Variants in GDF11 observed in about 807,000 individuals in gnomAD.
GDF11 encodes the protein growth differentiation factor 11.
Under a neutral mutation model 34.4 loss-of-function variants are expected in GDF11, and 12 were observed. The observed-to-expected ratio is 0.35, with a 90% CI of 0.22 to 0.57. GDF11 has a LOEUF of 0.57. Among genes scored for constraint, GDF11 ranks in the 20% least tolerant of loss-of-function variants. GDF11 has a pLI of 0.86. For synonymous variants in GDF11, 212 were observed against 231.1 expected (o/e 0.92, Z 0.75); for missense variants, 346 against 548.2 (o/e 0.63, Z 3.68).
intron 1 of GDF11, among the ~76,000 whole-genome samples, chr12:55,744,341 C>A (rs1279274576): frequency 6.6e-6 from 1 of 152,216 alleles, no homozygotes; most frequent in Non-Finnish European, 1.5e-5. Flanking sequence ...GACCGGGTAT[C>A]CCAAGGGGTC....
chr12:55,750,170 G>T lies in GDF11; in HGVS notation c.*288G>T. On this transcript the variant is annotated 3_prime_UTR_variant, in exon 3 of 3. Transcript: ENST00000257868. ...TGTAGAGACAGTGATAGAGACAGAG[G>T]AACAAAAAGAGCAGCAGTGAGAAGG... The T allele has an allele frequency of 2.8e-6, 1 of 359,462 alleles. No homozygotes were observed. Among genetic ancestry groups the T allele is most frequent in the Non-Finnish European group, 5.1e-6 (1 of 198,002 alleles). 22.3% of individuals were successfully genotyped at this position (359,462 alleles called of 1,614,324 possible).
In GDF11 at chr12:55,751,429, T is replaced by A. The variant is rs1565666708; in HGVS notation, c.*1547T>A. 1 of 151,974 alleles carries A rather than the reference T, an allele frequency of 6.6e-6. No individual in the cohort carries two copies. Among genetic ancestry groups the A allele is most frequent in the East Asian group, 1.9e-4 (1 of 5,188 alleles). The allele number at this position is 151,974 out of a possible 1,614,324, so 9.4% of individuals were successfully genotyped here. A position where few individuals can be genotyped will look rare whatever the true frequency, so the allele number is the denominator to read the frequency against. On this transcript the variant is annotated 3_prime_UTR_variant, in exon 3 of 3. Transcript: ENST00000257868. ...CATTCTCCTCTGGACTCACTGTGCC[T>A]CAGTTTCTTCCCCTCAATGGAATGA...
Position 55,743,664 on chromosome 12 carries a change from A to G in GDF11, c.348A>G (p.Leu116=). The change falls in exon 1 of 3, where the codon CTA becomes CTG. Residue 116 remains leucine (L), a synonymous_variant. Coordinates refer to ENST00000257868, the MANE Select transcript of GDF11 (RefSeq NM_005811.5). ...KAPPLQQILD[L]HDFQGDALQP... ...CGCCGCTGCAGCAGATCCTGGACCT[A>G]CACGACTTCCAGGGCGACGCGCTGC... is the stretch of plus-strand genomic sequence containing the variant. 1.9e-6 allele frequency: 3 copies of G among 1,603,968 alleles called. No individual in the cohort carries two copies. Among genetic ancestry groups the G allele is most frequent in the Non-Finnish European group, 1.7e-6 (2 of 1,179,702 alleles).
rs766942972 is a variant in GDF11, at chr12:55,749,606, T to C, written c.948T>C (p.Tyr316=). 3 of 1,613,952 alleles carry C rather than the reference T, an allele frequency of 1.9e-6. No individual in the cohort carries two copies. The African/African-American group carries it at 4.0e-5, about 22-fold the overall frequency. Residue 316 remains tyrosine (Y), a synonymous_variant, in exon 3 of 3, where the codon TAT becomes TAC. Transcript: ENST00000257868. This position sits in a 1 kb window ranked among gnomAD's most constrained non-coding sequence, Gnocchi z 5.6. ...EHSSESRCCR[Y]PLTVDFEAFG... is the part of the protein sequence containing the mutation. The stretch of plus-strand genomic sequence containing the variant: ...CAAGCGAGTCCCGCTGCTGCCGATA[T>C]CCCCTCACAGTGGACTTTGAGGCTT...
chr12:55,748,568 GC>G lies in GDF11; in HGVS notation c.446-15del, dbSNP rs764956109. 3 of 1,588,190 alleles carry G rather than the reference GC, an allele frequency of 1.9e-6. No individual in the cohort carries two copies. The highest frequency in any genetic ancestry group is 2.6e-6 in the Non-Finnish European group (3 of 1,164,530). ...CACAAACACCCTTTGCTGATGCTGT[GC>G]CCTTCTCTCTTATCAGCGGACCCAG... On this transcript the variant is annotated splice_polypyrimidine_tract_variant and intron_variant, in intron 1 of 2. Coordinates refer to ENST00000257868, the MANE Select transcript of GDF11 (RefSeq NM_005811.5). This position sits in a 1 kb window ranked among gnomAD's most constrained non-coding sequence, Gnocchi z 5.6.
rs770259301 is a variant in GDF11 at position 55,753,585 on chromosome 12, C to T, written c.*3703C>T. ...CGGAGTTCGAGACCATGCTGGCCAA[C>T]ATTGTGAAACCTCATCTCTACTAAA... On this transcript the variant is annotated 3_prime_UTR_variant, in exon 3 of 3. Transcript: ENST00000257868. The T allele has an allele frequency of 1.3e-5, 2 of 152,000 alleles. No homozygotes were observed. The highest frequency in any genetic ancestry group is 4.8e-5 in the African/African-American group (2 of 41,342). 9.4% of individuals were successfully genotyped at this position (152,000 alleles called of 1,614,324 possible).
chr12:55,749,427 C>T lies in GDF11; in HGVS notation c.844-75C>T. The T allele has an allele frequency of 6.9e-7, 1 of 1,446,614 alleles. No individual in the cohort carries two copies. The highest frequency in any genetic ancestry group is 9.3e-7 in the Non-Finnish European group (1 of 1,070,830). 89.6% of individuals were successfully genotyped at this position (1,446,614 alleles called of 1,614,324 possible). A position where few individuals can be genotyped will look rare whatever the true frequency, so the allele number is the denominator to read the frequency against. On this transcript the variant is annotated intron_variant, in intron 2 of 2. Coordinates refer to ENST00000257868, the MANE Select transcript of GDF11 (RefSeq NM_005811.5). The surrounding 1 kb of genome is among the most constrained non-coding windows in gnomAD (Gnocchi z 5.6). Reference sequence around the variant, plus strand: ...GCAGTCTCTATTCTGATGCCCCTGGCAGGTGGGAAAGGAACAGGGAAGAGG... The same window carrying T: ...GCAGTCTCTATTCTGATGCCCCTGGTAGGTGGGAAAGGAACAGGGAAGAGG...
Position 55,749,886 on chromosome 12 carries a change from G to A in GDF11, c.*4G>A. ...GGATCGCTGTGGCTGCTCTTAAGGT[G>A]GGGGATAGAGGATGCCTCCCCCACA... On this transcript the variant is annotated 3_prime_UTR_variant, in exon 3 of 3. Transcript: ENST00000257868. The surrounding 1 kb of genome is among the most constrained non-coding windows in gnomAD (Gnocchi z 5.6). 6.2e-7 allele frequency: 1 copy of A among 1,606,162 alleles called. No homozygotes were observed. The highest frequency in any genetic ancestry group is 8.5e-7 in the Non-Finnish European group (1 of 1,174,626).
rs965109672 is a variant in GDF11, at chr12:55,753,286, C to T, written c.*3404C>T. ...AGTCCCTGTTCCTAGGTTTCCTCAA[C>T]GAAGTTTGACAAAAATCTAAACCAA... On this transcript the variant is annotated 3_prime_UTR_variant, in exon 3 of 3. Transcript: ENST00000257868. 7.2e-5 allele frequency: 11 copies of T among 152,176 alleles called. No individual in the cohort carries two copies. Among genetic ancestry groups the T allele is most frequent in the African/African-American group, 2.4e-4 (10 of 41,428 alleles). The allele number at this position is 152,176 out of a possible 1,614,324, so 9.4% of individuals were successfully genotyped here.
Position 55,754,747 on chromosome 12 carries a change from G to A in GDF11, c.*4865G>A, listed in dbSNP as rs977882270. ...ATTGTAGTGTGAATACATGATATGA[G>A]AATATCACTTAATTCACACAGCAAC... On this transcript the variant is annotated 3_prime_UTR_variant, in exon 3 of 3. Transcript: ENST00000257868. 11 of 152,168 alleles carry A rather than the reference G, an allele frequency of 7.2e-5. No individual in the cohort carries two copies. Among genetic ancestry groups the A allele is most frequent in the African/African-American group, 2.7e-4 (11 of 41,444 alleles). The allele number at this position is 152,168 out of a possible 1,614,324, so 9.4% of individuals were successfully genotyped here.
Position 55,748,314 on chromosome 12 carries a change from A to C in GDF11, c.446-272A>C, listed in dbSNP as rs755483274. Among the ~76,000 whole-genome samples, 1 of 152,224 alleles carries C rather than the reference A, an allele frequency of 6.6e-6. No homozygotes were observed. Among genetic ancestry groups the C allele is most frequent in the Non-Finnish European group, 1.5e-5 (1 of 68,042 alleles). On this transcript the variant is annotated intron_variant, in intron 1 of 2. Coordinates refer to ENST00000257868, the MANE Select transcript of GDF11 (RefSeq NM_005811.5). The surrounding 1 kb of genome is among the most constrained non-coding windows in gnomAD (Gnocchi z 5.6). ...ACAGTAAGGATGGTGGTGGATGAAT[A>C]ATTTTGCAGGTTATCTGGTAGACAG...
rs1878533971 is a variant in GDF11, at chr12:55,757,224, TA to T, written c.*7344del. Reference sequence around the variant, plus strand: ...CCCCTGAAGCTCCCCTTATCTGGTCTAATCTAGCTCCAATAAATCAAAGGAG... The same window carrying T: ...CCCCTGAAGCTCCCCTTATCTGGTCTATCTAGCTCCAATAAATCAAAGGAG... On this transcript the variant is annotated 3_prime_UTR_variant, in exon 3 of 3. Coordinates refer to ENST00000257868, the MANE Select transcript of GDF11 (RefSeq NM_005811.5). The T allele has an allele frequency of 3.8e-6, 1 of 261,838 alleles. No individual in the cohort carries two copies. 16.2% of individuals were successfully genotyped at this position (261,838 alleles called of 1,614,324 possible).
chr12:55,749,468 T>C lies in GDF11; in HGVS notation c.844-34T>C, dbSNP rs761255952. 6.3e-7 allele frequency: 1 copy of C among 1,578,416 alleles called. No individual in the cohort carries two copies. Among genetic ancestry groups the C allele is most frequent in the Non-Finnish European group, 8.6e-7 (1 of 1,159,772 alleles). On this transcript the variant is annotated intron_variant, in intron 2 of 2. Transcript: ENST00000257868. The surrounding 1 kb of genome is among the most constrained non-coding windows in gnomAD (Gnocchi z 5.6). Reference sequence around the variant, plus strand: ...AGGGAAGAGGAACTGTTCAGGACCATATCACATTTCTTTCCCCTCTCCCTG... The same window carrying C: ...AGGGAAGAGGAACTGTTCAGGACCACATCACATTTCTTTCCCCTCTCCCTG...
chr12:55,743,303 C>T lies in GDF11; in HGVS notation c.-14C>T. 1.0e-6 allele frequency: 1 copy of T among 974,664 alleles called. No homozygotes were observed. The highest frequency in any genetic ancestry group is 1.2e-6 in the Non-Finnish European group (1 of 820,936). The allele number at this position is 974,664 out of a possible 1,614,324, so 60.4% of individuals were successfully genotyped here. A position where few individuals can be genotyped will look rare whatever the true frequency, so the allele number is the denominator to read the frequency against. On this transcript the variant is annotated 5_prime_UTR_variant, in exon 1 of 3. Transcript: ENST00000257868. ...CGTCCCCGCCCCCCAGTCCTCCCTC[C>T]CCTCCCCTCCAGCATGGTGCTCGCG...
In GDF11 at chr12:55,748,259, G is replaced by A. The variant is rs1408190783; in HGVS notation, c.446-327G>A. ...AAAGAGCTTCAAAGATTCAGAAAAT[G>A]TTGGAGCCTTATATGCTGGGAAAAG... On this transcript the variant is annotated intron_variant, in intron 1 of 2. Transcript: ENST00000257868. The surrounding 1 kb of genome is among the most constrained non-coding windows in gnomAD (Gnocchi z 5.6). Among the ~76,000 whole-genome samples, 1 of 152,214 alleles carries A rather than the reference G, an allele frequency of 6.6e-6. No homozygotes were observed. Among genetic ancestry groups the A allele is most frequent in the Non-Finnish European group, 1.5e-5 (1 of 68,040 alleles).
intron 1 of GDF11, among the ~76,000 whole-genome samples, chr12:55,745,560 G>A (rs893799869): frequency 6.1e-5 from 9 of 148,248 alleles, no homozygotes; most frequent in South Asian, 2.2e-4. Context: ...GAGCCTAGCT[G>A]AGCTCTTAAG....
intron 1 of GDF11, among the ~76,000 whole-genome samples, chr12:55,747,079 AAT>A (rs1383227890): frequency 2.0e-5 from 3 of 152,218 alleles, no homozygotes; most frequent in African/African-American, 7.2e-5. Flanking sequence ...ATGGCAAGAA[AAT>A]AGACAATTCT....
At position 55,754,253 on chromosome 12, in the gene GDF11, A is replaced by C. The variant is rs1003708592; in HGVS notation, c.*4371A>C. 2.6e-5 allele frequency: 4 copies of C among 152,158 alleles called. No individual in the cohort carries two copies. Among genetic ancestry groups the C allele is most frequent in the African/African-American group, 9.7e-5 (4 of 41,448 alleles). 9.4% of individuals were successfully genotyped at this position (152,158 alleles called of 1,614,324 possible). A position where few individuals can be genotyped will look rare whatever the true frequency, so the allele number is the denominator to read the frequency against. On this transcript the variant is annotated 3_prime_UTR_variant, in exon 3 of 3. Coordinates refer to ENST00000257868, the MANE Select transcript of GDF11 (RefSeq NM_005811.5). ...TCCCTGTGGCTCATTTGTTTCCTATATTGAGAGAACACCCAAAAAAAGACT... is the reference window on the plus strand; with the variant it reads ...TCCCTGTGGCTCATTTGTTTCCTATCTTGAGAGAACACCCAAAAAAAGACT...
At position 55,755,489 on chromosome 12, in the gene GDF11, T is replaced by C. The variant is rs1361618970; in HGVS notation, c.*5607T>C. On this transcript the variant is annotated 3_prime_UTR_variant, in exon 3 of 3. Coordinates refer to ENST00000257868, the MANE Select transcript of GDF11 (RefSeq NM_005811.5). The stretch of plus-strand genomic sequence containing the variant: ...GCAGAGAATGTCACAGCTTCAGGAA[T>C]TGGAATCAGTTAACCACATCTGGAT... 2 of 152,198 alleles carry C rather than the reference T, an allele frequency of 1.3e-5. No individual in the cohort carries two copies. The highest frequency in any genetic ancestry group is 2.9e-5 in the Non-Finnish European group (2 of 68,056). The allele number at this position is 152,198 out of a possible 1,614,324, so 9.4% of individuals were successfully genotyped here.
Sources: allele counts gnomAD v4.1 joint callset (sites outside exome capture counted in the v4.1 genomes callset), GRCh38; gene constraint gnomAD v4.1.1; non-coding constraint Gnocchi (gnomAD v3.1); transcripts MANE v1.5; gene names NCBI Gene and HGNC (gene_info 2026-07-23, HGNC 2026-07-21).